Variants in PIK3R1 observed in about 807,000 individuals in gnomAD.
PIK3R1 encodes phosphatidylinositol 3-kinase regulatory subunit alpha.
PIK3R1 carries 29 observed loss-of-function variants against 98.0 expected under a neutral mutation model. The observed-to-expected ratio is 0.30, with a 90% CI of 0.22 to 0.40. The LOEUF is 0.40. Among genes scored for constraint, PIK3R1 ranks in the 10% least tolerant of loss-of-function variants. The probability of loss-of-function intolerance (pLI) is 1.00; values close to 1 mark genes in which losing one functional copy is unlikely to be tolerated. For synonymous variants in PIK3R1, 282 were observed against 311.8 expected, an observed-to-expected ratio of 0.90 and a Z score of 1.01; for missense variants, 596 against 872.7, an observed-to-expected ratio of 0.68 and a Z score of 3.99.
chr5:68,270,060 A>AT lies in PIK3R1; in HGVS notation c.335-3321dup, dbSNP rs879443792. On this transcript the variant is annotated intron_variant, in intron 2 of 15. Transcript: ENST00000521381. ...CTTACACTTCCTAGTACCCATGTGT[A>AT]TTTTTTTTTCTTTTTAAAGCAATCT... Among the ~76,000 whole-genome samples the AT allele has an allele frequency of 1.6e-4, 24 of 151,486 alleles. No individual in the cohort carries two copies. In the Middle Eastern group the frequency reaches 0.01, roughly 64 times the overall value.
chr5:68,256,539 A>G (rs1360258140), intron 2 of PIK3R1, among the ~76,000 whole-genome samples: 1 of 152,150 alleles, frequency 6.6e-6, no homozygotes, highest in Non-Finnish European at 1.5e-5. Flanking sequence ...AACATTTTGT[A>G]ATTTTTTAAA....
intron 2 of PIK3R1, among the ~76,000 whole-genome samples, chr5:68,260,978 C>T (rs987771600): frequency 6.6e-6 from 1 of 152,086 alleles, no homozygotes. Context: ...CCACCTATCC[C>T]CTGGGTTAGA....
rs112348688 is a variant in PIK3R1 at position 68,246,679 on chromosome 5, A to C, written c.334+19670A>C. 9.6e-3 allele frequency among the ~76,000 whole-genome samples: 1,468 copies of C among 152,206 alleles called. 25 individuals carry two copies. The highest frequency in any genetic ancestry group is 0.029 in the African/African-American group (1,197 of 41,538). ...CGCTCTGTCGCCCAGGCTGGAGTGC[A>C]GTGGTGCGATCTTGGCTCACTGCAA... On this transcript the variant is annotated intron_variant, in intron 2 of 15. Transcript: ENST00000521381.
intron 7 of PIK3R1, among the ~76,000 whole-genome samples, chr5:68,287,773 G>C (rs1207292622): frequency 6.6e-6 from 1 of 152,186 alleles, no homozygotes; most frequent in Non-Finnish European, 1.5e-5. Flanking sequence ...TTAAATGCGA[G>C]TTGCAATCGA....
chr5:68,296,536 G>A (rs1747722889), intron 15 of PIK3R1, among the ~76,000 whole-genome samples, 195 bp downstream of exon 15: 1 of 152,226 alleles, frequency 6.6e-6, no homozygotes, highest in Admixed American at 6.5e-5. Context: ...TGTTAATACA[G>A]TCTAATAGAT....
At chr5:68,289,511 A>T (rs1478426285) in intron 7 of PIK3R1, among the ~76,000 whole-genome samples, 1 of 152,010 alleles carries the variant, frequency 6.6e-6, no homozygotes, top group African/African-American at 2.4e-5. Flanking sequence ...TAGATCACAG[A>T]GCCCCACTGT....
rs769634534 is a variant in PIK3R1, at chr5:68,295,224, T to G, written c.1645T>G (p.Leu549Val). 6.2e-7 allele frequency: 1 copy of G among 1,614,004 alleles called. No homozygotes were observed. The highest frequency in any genetic ancestry group is 1.7e-5 in the Admixed American group (1 of 60,018). Reference protein sequence around the residue: ...IDSRRRLEEDLKKQAAEYREI... With the variant: ...IDSRRRLEEDVKKQAAEYREI... Reference sequence around the variant, plus strand: ...CAGTAGAAGAAGATTGGAAGAAGACTTGAAGAAGCAGGCAGCTGAGTATCG... The same window carrying G: ...CAGTAGAAGAAGATTGGAAGAAGACGTGAAGAAGCAGGCAGCTGAGTATCG... The change falls in exon 13 of 16, where the codon TTG becomes GTG. Residue 549 changes from leucine to valine, a missense_variant. Coordinates refer to ENST00000521381, the MANE Select transcript of PIK3R1 (RefSeq NM_181523.3).
chr5:68,253,911 T>C (rs1436945795), intron 2 of PIK3R1, among the ~76,000 whole-genome samples: 1 of 152,028 alleles, frequency 6.6e-6, no homozygotes, highest in East Asian at 1.9e-4. Context: ...AACAATGAAC[T>C]ATAAACCCAT....
intron 4 of PIK3R1, among the ~76,000 whole-genome samples, chr5:68,275,789 A>T (rs1336536925): frequency 1.3e-5 from 2 of 152,208 alleles, no homozygotes; most frequent in African/African-American, 4.8e-5. Context: ...AAAACATTGT[A>T]TAATATCCTG....
At chr5:68,235,485 C>T (rs1180362110) in intron 2 of PIK3R1, among the ~76,000 whole-genome samples, 1 of 151,972 alleles carries the variant, frequency 6.6e-6, no homozygotes, top group Non-Finnish European at 1.5e-5. Flanking sequence ...GTAAACAGTT[C>T]ATTTGAATTT....
chr5:68,292,571 A>T (rs1747455316), intron 8 of PIK3R1: 1 of 1,491,506 alleles, frequency 6.7e-7, no homozygotes, highest in African/African-American at 1.4e-5. Flanking sequence ...AAGTTTCATT[A>T]TTGACAGAGA....
At chr5:68,261,700 A>T (rs1315114196) in intron 2 of PIK3R1, among the ~76,000 whole-genome samples, 2 of 152,178 alleles carry the variant, frequency 1.3e-5, no homozygotes, top group African/African-American at 4.8e-5. Flanking sequence ...TAGCCCTTTT[A>T]AAAAAATTAC....
At chr5:68,219,191 G>A (rs1035865238) in intron 1 of PIK3R1, among the ~76,000 whole-genome samples, 3 of 152,208 alleles carry the variant, frequency 2.0e-5, no homozygotes, top group African/African-American at 7.2e-5. Flanking sequence ...TTGTAGTATA[G>A]TGTTATTGGA....
At chr5:68,263,220 CATATATATCTATATATGTAGAAATAT>C (rs1325461702) in intron 2 of PIK3R1, among the ~76,000 whole-genome samples, 1 of 138,016 alleles carries the variant, frequency 7.2e-6, no homozygotes, top group Non-Finnish European at 1.6e-5. Context: ...TATATTTCTA[CATATATATCTATATATGTAGAAATAT>C]ATATATATTC....
At chr5:68,242,177 C>A (rs1232704338) in intron 2 of PIK3R1, among the ~76,000 whole-genome samples, 1 of 152,178 alleles carries the variant, frequency 6.6e-6, no homozygotes, top group Non-Finnish European at 1.5e-5. Context: ...CTCCTTATAG[C>A]AATTCCAACC....
At chr5:68,274,037 G>A (rs762744835) in intron 4 of PIK3R1, 24 bp downstream of exon 4, 1 of 1,582,818 alleles carries the variant, frequency 6.3e-7, no homozygotes. Context: ...AGCTAGAAAT[G>A]CAAATGGGAA....
chr5:68,234,239 G>C (rs929645630), intron 2 of PIK3R1, among the ~76,000 whole-genome samples: 1 of 152,132 alleles, frequency 6.6e-6, no homozygotes, highest in Non-Finnish European at 1.5e-5. Context: ...AGCAGTTTTT[G>C]TTTTAATCCT....
At chr5:68,272,711 A>C (rs1426655373) in intron 2 of PIK3R1, among the ~76,000 whole-genome samples, 1 of 152,238 alleles carries the variant, frequency 6.6e-6, no homozygotes, top group Non-Finnish European at 1.5e-5. Flanking sequence ...TTGACCAAAA[A>C]ATACATAAAC....
chr5:68,246,223 CCT>C (rs1745077302), intron 2 of PIK3R1, among the ~76,000 whole-genome samples: 1 of 151,980 alleles, frequency 6.6e-6, no homozygotes, highest in Non-Finnish European at 1.5e-5. Flanking sequence ...ATACTTTATA[CCT>C]TATTTGGAAG....
Sources: allele counts gnomAD v4.1 joint callset (sites outside exome capture counted in the v4.1 genomes callset), GRCh38; gene constraint gnomAD v4.1.1; transcripts MANE v1.5; gene names NCBI Gene and HGNC (gene_info 2026-07-23, HGNC 2026-07-21).